Variants in CDH22 observed in about 807,000 individuals in gnomAD.
CDH22 encodes the protein cadherin-22.
Under a neutral mutation model 58.4 loss-of-function variants are expected in CDH22, and 30 were observed. The ratio of observed to expected loss-of-function variants is 0.51; its 90% CI spans 0.38 to 0.70. The LOEUF (loss-of-function observed/expected upper bound fraction) is 0.70, where lower values mean the gene tolerates loss of function less well. CDH22 is among the 30% of genes least tolerant of loss of function. CDH22 has a pLI of 0.00. For synonymous variants in CDH22, 513 were observed against 558.2 expected, an observed-to-expected ratio of 0.92 and a Z score of 1.14; for missense variants, 1,014 against 1,233.9, an observed-to-expected ratio of 0.82 and a Z score of 2.67.
At chr20:46,285,330 T>C (rs1568683201) in intron 1 of CDH22, among the ~76,000 whole-genome samples, 4 of 152,178 alleles carry the variant, frequency 2.6e-5, no homozygotes. Flanking sequence ...CACCACAATG[T>C]AGACCTCTGC....
intron 1 of CDH22, among the ~76,000 whole-genome samples, chr20:46,292,718 G>A (rs531390333): frequency 2.6e-5 from 4 of 152,220 alleles, no homozygotes; most frequent in South Asian, 2.1e-4. Flanking sequence ...GATCTAAACC[G>A]TGAATTCTTC....
At chr20:46,239,786 T>C (rs1173158646) in intron 3 of CDH22, among the ~76,000 whole-genome samples, 1 of 152,166 alleles carries the variant, frequency 6.6e-6, no homozygotes, top group Non-Finnish European at 1.5e-5. Context: ...ACCCCATGAC[T>C]CCCGTTTCTA....
chr20:46,299,824 G>A (rs1568686359), intron 1 of CDH22, among the ~76,000 whole-genome samples: 1 of 152,148 alleles, frequency 6.6e-6, no homozygotes, highest in Non-Finnish European at 1.5e-5. Context: ...GGGCAAAGAT[G>A]GGAACCCTGG....
chr20:46,234,549 GTCTTTTCCCA>G (rs1232454745), intron 3 of CDH22, among the ~76,000 whole-genome samples: 1 of 152,200 alleles, frequency 6.6e-6, no homozygotes, highest in Non-Finnish European at 1.5e-5. Flanking sequence ...TACCAAGACA[GTCTTTTCCCA>G]TCTATTAAAT....
At chr20:46,253,937 C>T (rs1438249135) in intron 1 of CDH22, among the ~76,000 whole-genome samples, 1 of 152,188 alleles carries the variant, frequency 6.6e-6, no homozygotes, top group Admixed American at 6.5e-5. Context: ...TGTTGCTCTC[C>T]TTCCCTCCTT....
intron 7 of CDH22, among the ~76,000 whole-genome samples, chr20:46,200,343 C>T (rs539145932): frequency 6.7e-6 from 1 of 150,160 alleles, no homozygotes; most frequent in Admixed American, 6.7e-5. Flanking sequence ...GGTGCCATCA[C>T]GGCTCACTGC....
intron 1 of CDH22, among the ~76,000 whole-genome samples, chr20:46,291,723 C>T (rs553965027): frequency 7.9e-5 from 12 of 152,408 alleles, no homozygotes; most frequent in African/African-American, 2.9e-4. Flanking sequence ...TTCTGCTCCT[C>T]TGCGTTGCAG....
intron 8 of CDH22, among the ~76,000 whole-genome samples, chr20:46,191,073 G>A (rs982863740): frequency 5.3e-5 from 8 of 152,142 alleles, no homozygotes; most frequent in East Asian, 1.9e-4. Flanking sequence ...GCATGGTCTC[G>A]TTCTAGTGGC....
At chr20:46,292,725 C>T (rs1276999297) in intron 1 of CDH22, among the ~76,000 whole-genome samples, 2 of 152,290 alleles carry the variant, frequency 1.3e-5, no homozygotes, top group African/African-American at 4.8e-5. Flanking sequence ...ACCGTGAATT[C>T]TTCCCTGCGT....
chr20:46,285,808 A>C (rs2086574259), intron 1 of CDH22, among the ~76,000 whole-genome samples: 1 of 152,194 alleles, frequency 6.6e-6, no homozygotes, highest in African/African-American at 2.4e-5. Context: ...GGCATTGGAC[A>C]AGGTGCTGGG....
Position 46,210,058 on chromosome 20 carries a change from G to T in CDH22, c.1286+249C>A, listed in dbSNP as rs1488623559. 1.4e-5 allele frequency: 6 copies of T among 413,982 alleles called. No individual in the cohort carries two copies. The East Asian group carries it at 2.3e-4, about 16-fold the overall frequency. The allele number at this position is 413,982 out of a possible 1,614,324, so 25.6% of individuals were successfully genotyped here. A position where few individuals can be genotyped will look rare whatever the true frequency, so the allele number is the denominator to read the frequency against. ...GCCCGCCTCTGTGTCTGTCCCTCCT[G>T]GTTCTCTCCCTTATTGGCCTGGCTC... is the stretch of plus-strand genomic sequence containing the variant. On this transcript the variant is annotated intron_variant, in intron 7 of 11. Coordinates refer to ENST00000537909, the MANE Select transcript of CDH22 (RefSeq NM_021248.3). The surrounding 1 kb of genome is among the most constrained non-coding windows in gnomAD (Gnocchi z 4.5).
intron 10 of CDH22, among the ~76,000 whole-genome samples, chr20:46,182,006 C>T (rs1016993993): frequency 2.6e-5 from 4 of 151,548 alleles, no homozygotes; most frequent in South Asian, 2.1e-4. Flanking sequence ...TTAGTAGAGA[C>T]GGGGTTTCAT....
Position 46,241,009 on chromosome 20 carries a change from G to A in CDH22, c.504C>T (p.Phe168=). The part of the protein sequence containing the change: ...VQDINDSEPR[F]LHGPYIGSVA... ...CGCTGCCAATATAGGGGCCGTGCAG[G>A]AAGCGGGGCTCACTGTCATTGATGT... Residue 168 remains phenylalanine (F), a synonymous_variant, in exon 3 of 12, where the codon TTC becomes TTT. Transcript: ENST00000537909. The surrounding 1 kb of genome is among the most constrained non-coding windows in gnomAD (Gnocchi z 5.2). 1 of 1,613,958 alleles carries A rather than the reference G, an allele frequency of 6.2e-7. No homozygotes were observed. The highest frequency in any genetic ancestry group is 8.5e-7 in the Non-Finnish European group (1 of 1,179,938).
chr20:46,235,943 C>G (rs888035123), intron 3 of CDH22, among the ~76,000 whole-genome samples: 2 of 152,294 alleles, frequency 1.3e-5, no homozygotes, highest in Middle Eastern at 3.4e-3. Flanking sequence ...AACCAAAAAC[C>G]TTTCAATGGC....
chr20:46,293,844 A>G (rs1446753784), intron 1 of CDH22, among the ~76,000 whole-genome samples: 4 of 152,018 alleles, frequency 2.6e-5, no homozygotes, highest in Non-Finnish European at 4.4e-5. Flanking sequence ...GTGAAACCCC[A>G]TCTCTACTAA....
intron 11 of CDH22, among the ~76,000 whole-genome samples, chr20:46,176,862 G>C (rs1243011619): frequency 6.6e-6 from 1 of 152,282 alleles, no homozygotes. Flanking sequence ...GGCGACAGAT[G>C]TGCCAGGCCT....
intron 7 of CDH22, among the ~76,000 whole-genome samples, chr20:46,203,206 G>A (rs2085974706): frequency 1.3e-5 from 2 of 152,072 alleles, no homozygotes; most frequent in South Asian, 4.1e-4. Context: ...AGTTTGGCTG[G>A]CTGAGCCCAG....
At position 46,174,097 on chromosome 20, in the gene CDH22, G is replaced by C. The variant is rs1246678535; in HGVS notation, c.*409C>G. Reference sequence around the variant, plus strand: ...AGCACACAGTAGGTGCTTAGTAAGTGAACAGCCTTCTTTCCTCTTAACTCT... The same window carrying C: ...AGCACACAGTAGGTGCTTAGTAAGTCAACAGCCTTCTTTCCTCTTAACTCT... On this transcript the variant is annotated 3_prime_UTR_variant, in exon 12 of 12. Coordinates refer to ENST00000537909, the MANE Select transcript of CDH22 (RefSeq NM_021248.3). This position sits in a 1 kb window ranked among gnomAD's most constrained non-coding sequence, Gnocchi z 4.4. 4.4e-6 allele frequency: 1 copy of C among 225,432 alleles called. No individual in the cohort carries two copies. The highest frequency in any genetic ancestry group is 8.5e-6 in the Non-Finnish European group (1 of 117,008). 14.0% of individuals were successfully genotyped at this position (225,432 alleles called of 1,614,324 possible).
At position 46,174,691 on chromosome 20, in the gene CDH22, C is replaced by G; in HGVS notation, c.2302G>C (p.Asp768His). Residue 768 changes from aspartate to histidine, a missense_variant, in exon 12 of 12, where the codon GAC becomes CAC. Physicochemically the swap from Asp to His is moderately conservative, Grantham distance 81. This residue lies in a region of CDH22 where 208 missense variants were observed against 195.2 expected (regional missense o/e 1.07). Transcript: ENST00000537909. This position sits in a 1 kb window ranked among gnomAD's most constrained non-coding sequence, Gnocchi z 4.4. The part of the protein sequence containing the change: ...ADGDLSVPPY[D>H]AFQTYAFEGA... ...TCGAAGGCGTAGGTCTGGAAGGCGT[C>G]GTAGGGCGGCACCGACAGGTCCCCG... 6.4e-7 allele frequency: 1 copy of G among 1,558,826 alleles called. No individual in the cohort carries two copies.
Sources: allele counts gnomAD v4.1 joint callset (sites outside exome capture counted in the v4.1 genomes callset), GRCh38; gene constraint gnomAD v4.1.1; regional missense constraint gnomAD v4.1.1; non-coding constraint Gnocchi (gnomAD v3.1); transcripts MANE v1.5; gene names NCBI Gene and HGNC (gene_info 2026-07-23, HGNC 2026-07-21).